NKAIN3: variants seen among roughly 807,000 people sequenced by gnomAD.
NKAIN3 encodes sodium/potassium transporting ATPase interacting 3.
In NKAIN3, 25 loss-of-function variants were observed where a neutral mutation model predicts 30.2. That is an observed-to-expected ratio of 0.83 (90% CI 0.60 to 1.16). The LOEUF is 1.16. NKAIN3 is among the 50% of genes most tolerant of loss of function. NKAIN3 has a pLI of 0.00. For missense variants in NKAIN3, 225 were observed against 254.1 expected (o/e 0.89, Z 0.78); for synonymous variants, 91 against 89.6 (o/e 1.02, Z -0.09).
At chr8:62,924,191 C>T (rs561395011) in intron 5 of NKAIN3, among the ~76,000 whole-genome samples, 26 of 152,240 alleles carry the variant, frequency 1.7e-4, no homozygotes, top group African/African-American at 5.1e-4. Flanking sequence ...TTGAGAGAGG[C>T]CTCCTCCCTC....
At chr8:62,550,565 A>C (rs1337739585) in intron 1 of NKAIN3, among the ~76,000 whole-genome samples, 2 of 152,248 alleles carry the variant, frequency 1.3e-5, no homozygotes, top group African/African-American at 4.8e-5. Flanking sequence ...ACGCAGTTAC[A>C]TTAAACAGTG....
At chr8:62,600,990 G>A (rs1023371814) in intron 3 of NKAIN3, among the ~76,000 whole-genome samples, 1 of 151,966 alleles carries the variant, frequency 6.6e-6, no homozygotes, top group Non-Finnish European at 1.5e-5. Context: ...TTTAGCTTTT[G>A]GGCAGGCAAT....
intron 1 of NKAIN3, among the ~76,000 whole-genome samples, chr8:62,357,621 G>A (rs1365517250): frequency 6.6e-6 from 1 of 151,974 alleles, no homozygotes; most frequent in African/African-American, 2.4e-5. Context: ...TCTGAGAAAG[G>A]CACACATCAA....
At chr8:62,814,993 T>C (rs2130721025) in intron 4 of NKAIN3, among the ~76,000 whole-genome samples, 1 of 150,864 alleles carries the variant, frequency 6.6e-6, no homozygotes, top group African/African-American at 2.4e-5. Flanking sequence ...GCAAGACTAA[T>C]AGAGAAGAAT....
chr8:62,733,062 A>T (rs1396350444), intron 3 of NKAIN3, among the ~76,000 whole-genome samples: 4 of 151,890 alleles, frequency 2.6e-5, no homozygotes, highest in African/African-American at 7.3e-5. Flanking sequence ...ATTCTCTACT[A>T]CTTCAAAATC....
At chr8:62,580,906 T>TTTTATA (rs1554550222) in intron 2 of NKAIN3, among the ~76,000 whole-genome samples, 1 of 112,274 alleles carries the variant, frequency 8.9e-6, no homozygotes, top group Admixed American at 9.1e-5. Flanking sequence ...GCTAGGGTTT[T>TTTTATA]TATATATATA....
In NKAIN3 at chr8:62,322,706, G is replaced by A. The variant is rs543763443; in HGVS notation, c.54+73579G>A. On this transcript the variant is annotated intron_variant, in intron 1 of 6. Coordinates refer to ENST00000623646, the MANE Select transcript of NKAIN3 (RefSeq NM_001304533.3). Reference sequence around the variant, plus strand: ...GTAAAGATCTTGTAAAAGTGAAAAAGGAAGTTGCTTAAGCTATTTAAATTG... The same window carrying A: ...GTAAAGATCTTGTAAAAGTGAAAAAAGAAGTTGCTTAAGCTATTTAAATTG... Among the ~76,000 whole-genome samples the A allele has an allele frequency of 3.9e-5, 6 of 152,224 alleles. No individual in the cohort carries two copies. In the East Asian group the frequency reaches 5.8e-4, roughly 15 times the overall value.
chr8:62,830,222 A>G (rs1020355586), intron 4 of NKAIN3, among the ~76,000 whole-genome samples: 3 of 152,170 alleles, frequency 2.0e-5, no homozygotes, highest in African/African-American at 7.2e-5. Flanking sequence ...TACCAGGGCT[A>G]AAAGTCACCT....
At chr8:62,918,367 T>G in intron 4 of NKAIN3, 86 bp from the exon 5 acceptor site, 1 of 936,358 alleles carries the variant, frequency 1.1e-6, no homozygotes, top group South Asian at 1.5e-5. Context: ...TGCTCATAAA[T>G]ATTTATCTTT....
In NKAIN3 at chr8:62,746,928, C is replaced by G. The variant is rs753763489; in HGVS notation, c.274-4C>G. 3.8e-6 allele frequency: 6 copies of G among 1,593,580 alleles called. No individual in the cohort carries two copies. Among genetic ancestry groups the G allele is most frequent in the Admixed American group, 1.7e-5 (1 of 59,772 alleles). ...TTTTGCTCTTTTGTCTCCTACCCAC[C>G]TAGGACACCGATCTAATGACATTCA... On this transcript the variant is annotated splice_region_variant and splice_polypyrimidine_tract_variant and intron_variant, in intron 3 of 6. Transcript: ENST00000623646.
intron 1 of NKAIN3, among the ~76,000 whole-genome samples, chr8:62,455,647 T>C (rs1805790996): frequency 6.6e-6 from 1 of 152,232 alleles, no homozygotes; most frequent in Non-Finnish European, 1.5e-5. Context: ...AATACACTTG[T>C]ACTTGTACCC....
chr8:62,981,001 A>G lies in NKAIN3; in HGVS notation c.*15594A>G, dbSNP rs16918945. 0.25 allele frequency: 37,762 copies of G among 152,048 alleles called. 5,434 individuals carry two copies. Among genetic ancestry groups the G allele is most frequent in the African/African-American group, 0.4 (16,459 of 41,422 alleles). 9.4% of individuals were successfully genotyped at this position (152,048 alleles called of 1,614,324 possible). The stretch of plus-strand genomic sequence containing the variant: ...AATTTCTCTTTGTGTTCCTAGGCCC[A>G]CAAAGTCTTTGGTCTGAAGACTCAG... On this transcript the variant is annotated 3_prime_UTR_variant, in exon 7 of 7. Transcript: ENST00000623646.
chr8:62,532,804 T>A (rs1808528761), intron 1 of NKAIN3, among the ~76,000 whole-genome samples: 1 of 152,198 alleles, frequency 6.6e-6, no homozygotes, highest in Non-Finnish European at 1.5e-5. Context: ...AGGTTAAGTT[T>A]ACGCATGGAT....
chr8:62,955,232 T>C (rs1053474529), intron 6 of NKAIN3, among the ~76,000 whole-genome samples: 24 of 152,216 alleles, frequency 1.6e-4, no homozygotes, highest in African/African-American at 5.8e-4. Context: ...GATAGATGTT[T>C]AAATAAATTT....
At chr8:62,729,040 C>CAAAAAAAAAAAAAAAAA (rs1317282077) in intron 3 of NKAIN3, among the ~76,000 whole-genome samples, 13 of 61,196 alleles carry the variant, frequency 2.1e-4, no homozygotes, top group Admixed American at 4.3e-4. Context: ...AAAAAAAAAA[C>CAAAAAAAAAAAAAAAAA]AAAAAAAAAA....
chr8:62,817,443 A>C (rs1818719057), intron 4 of NKAIN3, among the ~76,000 whole-genome samples: 1 of 151,868 alleles, frequency 6.6e-6, no homozygotes, highest in South Asian at 2.1e-4. Flanking sequence ...TCCCAGATTC[A>C]CCTTCTTCTG....
intron 1 of NKAIN3, among the ~76,000 whole-genome samples, chr8:62,517,065 C>T (rs778974684): frequency 5.3e-5 from 8 of 151,988 alleles, no homozygotes; most frequent in Non-Finnish European, 8.8e-5. Flanking sequence ...TACTTTAAAG[C>T]TAAAGTTCTT....
intron 4 of NKAIN3, among the ~76,000 whole-genome samples, chr8:62,764,796 A>ATT (rs1816781179): frequency 6.6e-6 from 1 of 152,210 alleles, no homozygotes; most frequent in Non-Finnish European, 1.5e-5. Flanking sequence ...AAATCATGAG[A>ATT]TTTATGTGTC....
intron 4 of NKAIN3, among the ~76,000 whole-genome samples, chr8:62,901,605 C>T (rs1300358455): frequency 6.6e-6 from 1 of 152,268 alleles, no homozygotes; most frequent in East Asian, 1.9e-4. Context: ...TCTGCTGATT[C>T]AGCCATACAT....
Sources: gnomAD v4.1 joint callset for allele counts (sites outside exome capture counted in the v4.1 genomes callset) on GRCh38, gnomAD v4.1.1 for gene constraint, MANE v1.5 for transcripts, NCBI Gene and HGNC (gene_info 2026-07-23, HGNC 2026-07-21) for gene names.